Variants in FOXI2 observed in about 807,000 individuals in gnomAD.
FOXI2 encodes forkhead box I2, also known as forkhead box protein I2.
FOXI2 carries 17 observed loss-of-function variants against 14.3 expected under a neutral mutation model. The observed-to-expected ratio is 1.19, with a 90% CI of 0.81 to 1.78. The LOEUF (loss-of-function observed/expected upper bound fraction) is 1.78. Ranked by LOEUF, FOXI2 falls within the 40% of genes most tolerant of loss-of-function variation. The pLI, the probability that FOXI2 is intolerant of heterozygous loss-of-function variation, is 0.00. For synonymous variants in FOXI2, 240 were observed against 218.8 expected, an observed-to-expected ratio of 1.10 and a Z score of -0.85; for missense variants, 541 against 460.0, an observed-to-expected ratio of 1.18 and a Z score of -1.61.
chr10:127,739,899 T>TCA lies in FOXI2; in HGVS notation c.*942_*943dup, dbSNP rs1228525237. The TCA allele has an allele frequency of 2.3e-4, 3 of 13,104 alleles. No homozygotes were observed. The highest frequency in any genetic ancestry group is 4.8e-4 in the Non-Finnish European group (3 of 6,194). The allele number at this position is 13,104 out of a possible 1,614,324, so 0.8% of individuals were successfully genotyped here. On this transcript the variant is annotated 3_prime_UTR_variant, in exon 2 of 2. Transcript: ENST00000388920. ...CTCACACCCACACCCACACCCACACTCACACACACTCACACCCACACCCAC... is the reference window on the plus strand; with the variant it reads ...CTCACACCCACACCCACACCCACACTCACACACACACTCACACCCACACCCAC...
rs1846501741 is a variant in FOXI2, at chr10:127,740,104, A to ACACTCACACTCACACCCC, written c.*1148_*1149insTCACACCCCCACTCACAC. The stretch of plus-strand genomic sequence containing the variant: ...CACACCCACACTCACACTCACACCC[A>ACACTCACACTCACACCCC]CACTCACACCACACTCACACCCACA... On this transcript the variant is annotated 3_prime_UTR_variant, in exon 2 of 2. Transcript: ENST00000388920. 1.8e-5 allele frequency: 2 copies of ACACTCACACTCACACCCC among 111,450 alleles called. No homozygotes were observed. The highest frequency in any genetic ancestry group is 3.6e-5 in the Non-Finnish European group (2 of 55,226). The allele number at this position is 111,450 out of a possible 1,614,324, so 6.9% of individuals were successfully genotyped here. A position where few individuals can be genotyped will look rare whatever the true frequency, so the allele number is the denominator to read the frequency against.
Position 127,740,221 on chromosome 10 carries a change from TCACACA to T in FOXI2, c.*1257_*1262del, listed in dbSNP as rs1564749715. ...CCCACACCCACACCCACACCCACAC[TCACACA>T]GGCTCATGGAAGGCCACACTTGTTT... On this transcript the variant is annotated 3_prime_UTR_variant, in exon 2 of 2. Transcript: ENST00000388920. 6.6e-6 allele frequency: 1 copy of T among 150,630 alleles called. No homozygotes were observed. Among genetic ancestry groups the T allele is most frequent in the Non-Finnish European group, 1.5e-5 (1 of 67,676 alleles). The allele number at this position is 150,630 out of a possible 1,614,324, so 9.3% of individuals were successfully genotyped here.
At position 127,740,108 on chromosome 10, in the gene FOXI2, T is replaced by TCACACTCACACCCACA. The variant is rs1453554489; in HGVS notation, c.*1148_*1149insTCACACCCACACACAC. ...CCCACACTCACACTCACACCCACAC[T>TCACACTCACACCCACA]CACACCACACTCACACCCACACACA... On this transcript the variant is annotated 3_prime_UTR_variant, in exon 2 of 2. Transcript: ENST00000388920. 2.9e-5 allele frequency: 1 copy of TCACACTCACACCCACA among 34,660 alleles called. No homozygotes were observed. The highest frequency in any genetic ancestry group is 6.0e-5 in the Non-Finnish European group (1 of 16,530). 2.1% of individuals were successfully genotyped at this position (34,660 alleles called of 1,614,324 possible). A position where few individuals can be genotyped will look rare whatever the true frequency, so the allele number is the denominator to read the frequency against.
rs1387364444 is a variant in FOXI2, at chr10:127,739,360, G to C, written c.*395G>C. 1 of 173,888 alleles carries C rather than the reference G, an allele frequency of 5.8e-6. No homozygotes were observed. Among genetic ancestry groups the C allele is most frequent in the Non-Finnish European group, 1.2e-5 (1 of 82,984 alleles). The allele number at this position is 173,888 out of a possible 1,614,324, so 10.8% of individuals were successfully genotyped here. The stretch of plus-strand genomic sequence containing the variant: ...GATGGGAAGAAGGTGGGCTGCCAGA[G>C]CGGCCCAGGTGGTGGGGGCCCTTTC... On this transcript the variant is annotated 3_prime_UTR_variant, in exon 2 of 2. Transcript: ENST00000388920.
In FOXI2 at chr10:127,737,683, C is replaced by G. The variant is rs1846436518; in HGVS notation, c.410C>G (p.Pro137Arg). ...TACCAGTACGTGGCTGGTAACTTCC[C>G]TTTCTACAAGCGCAGCAAGGCGGGC... ...QIYQYVAGNF[P>R]FYKRSKAGWQ... Residue 137 changes from proline (P) to arginine (R), a missense_variant, in exon 1 of 2, where the codon CCT becomes CGT. Transcript: ENST00000388920. 1 of 1,602,106 alleles carries G rather than the reference C, an allele frequency of 6.2e-7. No homozygotes were observed. The highest frequency in any genetic ancestry group is 1.3e-5 in the African/African-American group (1 of 74,712).
chr10:127,737,507 G>T lies in FOXI2; in HGVS notation c.234G>T (p.Pro78=). ...CTCCCGGCCCGCTCCTCGGCGCCCC[G>T]GGCGGCCTGGCGGGCGCCGACCTCG... The part of the protein sequence containing the change: ...YGAPGPLLGA[P]GGLAGADLAW... Residue 78 remains proline, a synonymous_variant, in exon 1 of 2, where the codon CCG becomes CCT. Transcript: ENST00000388920. The T allele has an allele frequency of 1.4e-6, 2 of 1,408,026 alleles. No individual in the cohort carries two copies. The highest frequency in any genetic ancestry group is 1.8e-6 in the Non-Finnish European group (2 of 1,091,322). 87.2% of individuals were successfully genotyped at this position (1,408,026 alleles called of 1,614,324 possible). A position where few individuals can be genotyped will look rare whatever the true frequency, so the allele number is the denominator to read the frequency against.
intron 1 of FOXI2, among the ~76,000 whole-genome samples, chr10:127,738,282 G>A (rs1358669937): frequency 1.3e-5 from 2 of 152,034 alleles, no homozygotes; most frequent in African/African-American, 4.8e-5. Context: ...CACCTTAACG[G>A]GGCTCGGCCT....
rs1846500126 is a variant in FOXI2 at position 127,740,084 on chromosome 10, C to CCACA, written c.*1121_*1124dup. 9.4e-6 allele frequency: 1 copy of CCACA among 106,198 alleles called. No individual in the cohort carries two copies. The highest frequency in any genetic ancestry group is 4.0e-5 in the African/African-American group (1 of 24,756). 6.6% of individuals were successfully genotyped at this position (106,198 alleles called of 1,614,324 possible). On this transcript the variant is annotated 3_prime_UTR_variant, in exon 2 of 2. Transcript: ENST00000388920. ...CCCACACTCATACTCACACTCACACCCACACTCACACTCACACCCACACTC... is the reference window on the plus strand; with the variant it reads ...CCCACACTCATACTCACACTCACACCCACACACACTCACACTCACACCCACACTC...
rs1048806989 is a variant in FOXI2, at chr10:127,737,574, G to T, written c.301G>T (p.Val101Leu). 7 of 1,548,202 alleles carry T rather than the reference G, an allele frequency of 4.5e-6. No homozygotes were observed. The highest frequency in any genetic ancestry group is 3.6e-5 in the South Asian group (3 of 83,582). ...LSGQQELLRL[V>L]RPPYSYSALI... ...CGGCCAGCAGGAGCTGCTGAGGCTG[G>T]TGCGGCCGCCCTACTCCTACTCGGC... The change falls in exon 1 of 2, where the codon GTG becomes TTG. Residue 101 changes from valine (V) to leucine (L), a missense_variant. Coordinates refer to ENST00000388920, the MANE Select transcript of FOXI2 (RefSeq NM_207426.3).
In FOXI2 at chr10:127,738,589, A is replaced by G. The variant is rs201353196; in HGVS notation, c.581A>G (p.Lys194Arg). 32 of 1,612,258 alleles carry G rather than the reference A, an allele frequency of 2.0e-5. No individual in the cohort carries two copies. The highest frequency in any genetic ancestry group is 3.3e-5 in the Admixed American group (2 of 59,804). The stretch of plus-strand genomic sequence containing the variant: ...TTTGACAACGGGAACTTCCGAAGGA[A>G]GAGGAAGAGGAGAGCTGAAGCCAGC... Reference protein sequence around the residue: ...KMFDNGNFRRKRKRRAEASAA... With the variant: ...KMFDNGNFRRRRKRRAEASAA... The change falls in exon 2 of 2, where the codon AAG (lysine) becomes AGG (arginine). Residue 194 changes from lysine (K) to arginine (R), a missense_variant. Transcript: ENST00000388920.
chr10:127,739,116 T>C lies in FOXI2; in HGVS notation c.*151T>C, dbSNP rs569770508. 3.5e-5 allele frequency: 24 copies of C among 682,496 alleles called. No homozygotes were observed. The highest frequency in any genetic ancestry group is 5.5e-5 in the Non-Finnish European group (23 of 417,952). The allele number at this position is 682,496 out of a possible 1,614,324, so 42.3% of individuals were successfully genotyped here. A position where few individuals can be genotyped will look rare whatever the true frequency, so the allele number is the denominator to read the frequency against. ...GGGGGCGGCTCGGCCAGCAGGGAGC[T>C]GGGCTGAGCGGCTCTTGGGCTTTGG... On this transcript the variant is annotated 3_prime_UTR_variant, in exon 2 of 2. Transcript: ENST00000388920.
Position 127,739,451 on chromosome 10 carries a change from G to A in FOXI2, c.*486G>A, listed in dbSNP as rs1456210407. On this transcript the variant is annotated 3_prime_UTR_variant, in exon 2 of 2. Transcript: ENST00000388920. ...CTTCTGCTTCAGGGAAGCTGCCGCA[G>A]GGGCTGGGGGACAGAGCTCAGGAGC... The A allele has an allele frequency of 6.3e-6, 1 of 157,714 alleles. No individual in the cohort carries two copies. The highest frequency in any genetic ancestry group is 1.9e-4 in the South Asian group (1 of 5,154). The allele number at this position is 157,714 out of a possible 1,614,324, so 9.8% of individuals were successfully genotyped here. A position where few individuals can be genotyped will look rare whatever the true frequency, so the allele number is the denominator to read the frequency against.
At chr10:127,737,856 G>T in intron 1 of FOXI2, 72 bp downstream of exon 1, 1 of 1,553,384 alleles carries the variant, frequency 6.4e-7, no homozygotes, top group Non-Finnish European at 8.7e-7. Context: ...CACTCCGGGG[G>T]TGGGAGCACC....
rs1479236829 is a variant in FOXI2 at position 127,737,454 on chromosome 10, C to T, written c.181C>T (p.Pro61Ser). 4.4e-6 allele frequency: 6 copies of T among 1,363,700 alleles called. No homozygotes were observed. In the African/African-American group the frequency reaches 9.2e-5, roughly 21 times the overall value. 84.5% of individuals were successfully genotyped at this position (1,363,700 alleles called of 1,614,324 possible). The stretch of plus-strand genomic sequence containing the variant: ...CTACGCTTCGGGTCCCGGGCCTGCG[C>T]CGCCCTACGCGGCCCCGAGCTACGG... ...KSYASGPGPA[P>S]PYAAPSYGAP... Residue 61 changes from proline (P) to serine (S), a missense_variant, in exon 1 of 2, where the codon CCG becomes TCG. Pro to Ser is a moderately conservative substitution (Grantham distance 74). Coordinates refer to ENST00000388920, the MANE Select transcript of FOXI2 (RefSeq NM_207426.3).
rs1442191356 is a variant in FOXI2 at position 127,740,080 on chromosome 10, ACACCCACACTCACACT to A, written c.*1119_*1134del. The A allele has an allele frequency of 6.4e-4, 76 of 119,592 alleles. 1 individual carries two copies. The highest frequency in any genetic ancestry group is 2.4e-3 in the African/African-American group (70 of 28,638). 7.4% of individuals were successfully genotyped at this position (119,592 alleles called of 1,614,324 possible). A position where few individuals can be genotyped will look rare whatever the true frequency, so the allele number is the denominator to read the frequency against. On this transcript the variant is annotated 3_prime_UTR_variant, in exon 2 of 2. Transcript: ENST00000388920. ...CACACCCACACTCATACTCACACTC[ACACCCACACTCACACT>A]CACACCCACACTCACACCACACTCA... is the stretch of plus-strand genomic sequence containing the variant.
In FOXI2 at chr10:127,737,310, G is replaced by T. The variant is rs1372350144; in HGVS notation, c.37G>T (p.Ala13Ser). The stretch of plus-strand genomic sequence containing the variant: ...CTGCGACGACCTGGGCCCCTCCTCG[G>T]CCCCGCCCGGCCAGGCCCAGGCCAC... Reference protein sequence around the residue: ...TYCDDLGPSSAPPGQAQATAH... With the variant: ...TYCDDLGPSSSPPGQAQATAH... The change falls in exon 1 of 2, where the codon GCC becomes TCC. Residue 13 changes from alanine (A) to serine (S), a missense_variant. Physicochemically the swap from Ala to Ser is moderately conservative, Grantham distance 99 (BLOSUM62 1). Coordinates refer to ENST00000388920, the MANE Select transcript of FOXI2 (RefSeq NM_207426.3). The T allele has an allele frequency of 3.4e-6, 5 of 1,459,694 alleles. No individual in the cohort carries two copies. The highest frequency in any genetic ancestry group is 4.5e-6 in the Non-Finnish European group (5 of 1,118,090). 90.4% of individuals were successfully genotyped at this position (1,459,694 alleles called of 1,614,324 possible).
At chr10:127,738,196 G>T (rs936707393) in intron 1 of FOXI2, among the ~76,000 whole-genome samples, 3 of 152,158 alleles carry the variant, frequency 2.0e-5, no homozygotes, top group Admixed American at 6.5e-5. Context: ...CCTACCTGGG[G>T]GCCTGGCGTG....
Position 127,739,869 on chromosome 10 carries a change from CCA to C in FOXI2, c.*908_*909del, listed in dbSNP as rs1846481021. ...CTCACACTCACACCCACACTCACAC[CCA>C]CACTCACACCCACACCCACACCCAC... On this transcript the variant is annotated 3_prime_UTR_variant, in exon 2 of 2. Transcript: ENST00000388920. 1.4e-5 allele frequency: 1 copy of C among 71,934 alleles called. No homozygotes were observed. Among genetic ancestry groups the C allele is most frequent in the Non-Finnish European group, 2.7e-5 (1 of 37,054 alleles). 4.5% of individuals were successfully genotyped at this position (71,934 alleles called of 1,614,324 possible). A position where few individuals can be genotyped will look rare whatever the true frequency, so the allele number is the denominator to read the frequency against.
rs1554874515 is a variant in FOXI2, at chr10:127,740,069, T to TCACACTCCCCAC, written c.*1104_*1105insCACACTCCCCAC. 1.6e-5 allele frequency: 1 copy of TCACACTCCCCAC among 62,064 alleles called. No homozygotes were observed. Among genetic ancestry groups the TCACACTCCCCAC allele is most frequent in the African/African-American group, 8.0e-5 (1 of 12,514 alleles). 3.8% of individuals were successfully genotyped at this position (62,064 alleles called of 1,614,324 possible). On this transcript the variant is annotated 3_prime_UTR_variant, in exon 2 of 2. Coordinates refer to ENST00000388920, the MANE Select transcript of FOXI2 (RefSeq NM_207426.3). ...ACACCCACACTCACACCCACACTCA[T>TCACACTCCCCAC]ACTCACACTCACACCCACACTCACA...
Sources: gnomAD v4.1 joint callset for allele counts (sites outside exome capture counted in the v4.1 genomes callset) on GRCh38, gnomAD v4.1.1 for gene constraint, MANE v1.5 for transcripts, NCBI Gene and HGNC (gene_info 2026-07-23, HGNC 2026-07-21) for gene names.